ZNF558: variants seen among roughly 807,000 people sequenced by gnomAD.
ZNF558 encodes zinc finger protein 558.
In ZNF558, 23 loss-of-function variants were observed where a neutral mutation model predicts 37.6. That is an observed-to-expected ratio of 0.61 (90% CI 0.44 to 0.87). ZNF558 has a LOEUF of 0.87. Ranked by LOEUF, ZNF558 falls within the 40% of genes least tolerant of loss-of-function variation. The probability of loss-of-function intolerance (pLI) is 0.00; values close to 1 mark genes in which losing one functional copy is unlikely to be tolerated. For missense variants in ZNF558, 429 were observed against 483.7 expected (o/e 0.89, Z 1.06); for synonymous variants, 189 against 174.4 (o/e 1.08, Z -0.66).
At chr19:8,832,864 G>A (rs1437253328), upstream of ZNF558, among the ~76,000 whole-genome samples, 1 of 152,246 alleles carries the variant, frequency 6.6e-6, no homozygotes, top group East Asian at 1.9e-4. Context: ...GCTGTGGGCG[G>A]AGATAAGCTC....
upstream of ZNF558, among the ~76,000 whole-genome samples, chr19:8,833,892 G>C (rs764875908): frequency 6.6e-6 from 1 of 152,160 alleles, no homozygotes; most frequent in Non-Finnish European, 1.5e-5. Context: ...GGAGGCTGAG[G>C]CAGGAGAATA....
In ZNF558 at chr19:8,821,298, T is replaced by A; in HGVS notation, c.129A>T (p.Val43=). ...ELLTSWLRGL[V]TFEDVAVEFT... The stretch of plus-strand genomic sequence containing the variant: ...ACTCCACGGCCACATCCTCGAAGGT[T>A]ACCAAGCCCTAAAGCATTGCAAACA... Residue 43 remains valine, a synonymous_variant, in exon 7 of 10, where the codon GTA becomes GTT. Transcript: ENST00000601372. 6.2e-7 allele frequency: 1 copy of A among 1,614,154 alleles called. No individual in the cohort carries two copies. The highest frequency in any genetic ancestry group is 8.5e-7 in the Non-Finnish European group (1 of 1,180,026).
chr19:8,833,898 G>A (rs1451760218), upstream of ZNF558, among the ~76,000 whole-genome samples: 1 of 152,068 alleles, frequency 6.6e-6, no homozygotes, highest in African/African-American at 2.4e-5. Context: ...TGAGGCAGGA[G>A]AATAGCTTGA....
At chr19:8,832,692 C>T (rs928867111), upstream of ZNF558, among the ~76,000 whole-genome samples, 2 of 146,326 alleles carry the variant, frequency 1.4e-5, no homozygotes, top group African/African-American at 5.2e-5. Context: ...GTTCCAGGGT[C>T]GGGGCTGTGG....
intron 6 of ZNF558, chr19:8,821,709 G>A: frequency 7.7e-7 from 1 of 1,306,422 alleles, no homozygotes; most frequent in Non-Finnish European, 9.8e-7. Flanking sequence ...TGATTTCCGT[G>A]GCGTTTATTA....
At chr19:8,828,398 C>T (rs919428957) in intron 2 of ZNF558, among the ~76,000 whole-genome samples, 2 of 152,190 alleles carry the variant, frequency 1.3e-5, no homozygotes, top group African/African-American at 2.4e-5. Flanking sequence ...TGAGCTTCAG[C>T]GTTCTTTGTG....
Position 8,822,809 on chromosome 19 carries a change from C to T in ZNF558, c.-65-85G>A. The T allele has an allele frequency of 8.2e-7, 1 of 1,218,342 alleles. No individual in the cohort carries two copies. The highest frequency in any genetic ancestry group is 1.2e-6 in the Non-Finnish European group (1 of 858,024). The allele number at this position is 1,218,342 out of a possible 1,614,324, so 75.5% of individuals were successfully genotyped here. A position where few individuals can be genotyped will look rare whatever the true frequency, so the allele number is the denominator to read the frequency against. ...ATGGGCCCTCCTCAACCCATCCTTCCCATCCTTCTTCAAATGCAAGTTCCG... is the reference window on the plus strand; with the variant it reads ...ATGGGCCCTCCTCAACCCATCCTTCTCATCCTTCTTCAAATGCAAGTTCCG... On this transcript the variant is annotated intron_variant, in intron 4 of 9. Transcript: ENST00000601372. The surrounding 1 kb of genome is among the most constrained non-coding windows in gnomAD (Gnocchi z 4.4).
intron 7 of ZNF558, among the ~76,000 whole-genome samples, chr19:8,813,555 C>T (rs1555769259): frequency 6.6e-6 from 1 of 152,130 alleles, no homozygotes; most frequent in Non-Finnish European, 1.5e-5. Context: ...GACGGGGTTT[C>T]ACCATATTGG....
Position 8,808,905 on chromosome 19 carries a change from G to T in ZNF558, c.*2376C>A, listed in dbSNP as rs528384972. 6.6e-6 allele frequency: 1 copy of T among 152,090 alleles called. No individual in the cohort carries two copies. The highest frequency in any genetic ancestry group is 6.6e-5 in the Admixed American group (1 of 15,240). The allele number at this position is 152,090 out of a possible 1,614,324, so 9.4% of individuals were successfully genotyped here. On this transcript the variant is annotated 3_prime_UTR_variant, in exon 10 of 10. Transcript: ENST00000601372. ...GGCAATTCTCCTGTCTCAGTTTCCC[G>T]AGTAGCTGGGAATACAGGTGTGCAC...
chr19:8,808,744 T>G lies in ZNF558; in HGVS notation c.*2537A>C, dbSNP rs558081578. 6.6e-6 allele frequency: 1 copy of G among 152,178 alleles called. No individual in the cohort carries two copies. The highest frequency in any genetic ancestry group is 2.4e-5 in the African/African-American group (1 of 41,456). 9.4% of individuals were successfully genotyped at this position (152,178 alleles called of 1,614,324 possible). On this transcript the variant is annotated 3_prime_UTR_variant, in exon 10 of 10. Coordinates refer to ENST00000601372, the MANE Select transcript of ZNF558 (RefSeq NM_144693.3). ...CCTCAAAAACAAACAACAGATCATGTTGGCTTCAATCAGTTAGGGGTTTCT... is the reference window on the plus strand; with the variant it reads ...CCTCAAAAACAAACAACAGATCATGGTGGCTTCAATCAGTTAGGGGTTTCT...
At chr19:8,834,308 T>A (rs1468342920), upstream of ZNF558, among the ~76,000 whole-genome samples, 1 of 151,958 alleles carries the variant, frequency 6.6e-6, no homozygotes, top group East Asian at 1.9e-4. Flanking sequence ...TAGATGCCAA[T>A]ATACAAAAGA....
At chr19:8,837,191 G>C (rs961401178), upstream of ZNF558, among the ~76,000 whole-genome samples, 1 of 152,180 alleles carries the variant, frequency 6.6e-6, no homozygotes, top group Non-Finnish European at 1.5e-5. Flanking sequence ...TATACCCAAA[G>C]CTGTACGAAT....
intron 2 of ZNF558, among the ~76,000 whole-genome samples, chr19:8,827,002 G>C (rs2044247195): frequency 6.6e-6 from 1 of 152,162 alleles, no homozygotes; most frequent in African/African-American, 2.4e-5. Context: ...GGGAGTGAGG[G>C]GGGGTTGGCC....
In ZNF558 at chr19:8,806,708, A is replaced by AT. The variant is rs2043707023; in HGVS notation, c.*4572_*4573insA. On this transcript the variant is annotated 3_prime_UTR_variant, in exon 10 of 10. Transcript: ENST00000601372. ...GTGAGACTCCATCTCAAAAAAAAAA[A>AT]AAAAAATATTCCCTCCCATTGGAAA... The AT allele has an allele frequency of 6.6e-6, 1 of 151,674 alleles. No homozygotes were observed. The highest frequency in any genetic ancestry group is 2.4e-5 in the African/African-American group (1 of 41,244). The allele number at this position is 151,674 out of a possible 1,614,324, so 9.4% of individuals were successfully genotyped here. A position where few individuals can be genotyped will look rare whatever the true frequency, so the allele number is the denominator to read the frequency against.
At position 8,822,748 on chromosome 19, in the gene ZNF558, A is replaced by C; in HGVS notation, c.-65-24T>G. ...CTCTGGAAGAAACGGGAATGCTCCA[A>C]GTCTCCGTGGCCTCCTCCCTCTCGG... is the stretch of plus-strand genomic sequence containing the variant. On this transcript the variant is annotated intron_variant, in intron 4 of 9. Coordinates refer to ENST00000601372, the MANE Select transcript of ZNF558 (RefSeq NM_144693.3). The surrounding 1 kb of genome is among the most constrained non-coding windows in gnomAD (Gnocchi z 4.4). 2 of 1,602,556 alleles carry C rather than the reference A, an allele frequency of 1.2e-6. No homozygotes were observed. Among genetic ancestry groups the C allele is most frequent in the Non-Finnish European group, 1.7e-6 (2 of 1,172,214 alleles).
chr19:8,814,276 C>T (rs2145199875), intron 7 of ZNF558, among the ~76,000 whole-genome samples: 1 of 152,294 alleles, frequency 6.6e-6, no homozygotes, highest in South Asian at 2.1e-4. Context: ...TCTGTGGTTG[C>T]TCTTCCTGAC....
upstream of ZNF558, among the ~76,000 whole-genome samples, chr19:8,834,293 A>G (rs2044429042): frequency 6.6e-6 from 1 of 152,150 alleles, no homozygotes; most frequent in Non-Finnish European, 1.5e-5. Context: ...TTGTGCTGGG[A>G]CAACTAGATG....
At chr19:8,825,293 G>T (rs2044206117) in intron 2 of ZNF558, among the ~76,000 whole-genome samples, 185 bp from the exon 3 acceptor site, 1 of 152,200 alleles carries the variant, frequency 6.6e-6, no homozygotes, top group Non-Finnish European at 1.5e-5. Context: ...ATCAGTAGGG[G>T]ATTGGGTGAA....
intron 7 of ZNF558, among the ~76,000 whole-genome samples, chr19:8,820,492 GT>G (rs942895924): frequency 1.3e-5 from 2 of 151,842 alleles, no homozygotes; most frequent in East Asian, 1.9e-4. Context: ...TTTTTGTTTT[GT>G]TTTTTTTGAG....
Sources: allele counts gnomAD v4.1 joint callset (sites outside exome capture counted in the v4.1 genomes callset), GRCh38; gene constraint gnomAD v4.1.1; non-coding constraint Gnocchi (gnomAD v3.1); transcripts MANE v1.5; gene names NCBI Gene and HGNC (gene_info 2026-07-23, HGNC 2026-07-21).